PIP5K1C: variants seen among roughly 807,000 people sequenced by gnomAD.
PIP5K1C encodes the protein phosphatidylinositol-4-phosphate 5-kinase type 1 gamma.
PIP5K1C carries 45 observed loss-of-function variants against 80.1 expected under a neutral mutation model. That is an observed-to-expected ratio of 0.56 (90% CI 0.44 to 0.72). The LOEUF is 0.72. PIP5K1C is among the 30% of genes least tolerant of loss of function. The pLI, the probability that PIP5K1C is intolerant of heterozygous loss-of-function variation, is 0.00. For missense variants in PIP5K1C, 753 were observed against 954.6 expected, an observed-to-expected ratio of 0.79 and a Z score of 2.78; for synonymous variants, 498 against 420.1, an observed-to-expected ratio of 1.19 and a Z score of -2.27.
chr19:3,659,997 G>A (rs1398059656), intron 5 of PIP5K1C, among the ~76,000 whole-genome samples: 2 of 152,218 alleles, frequency 1.3e-5, no homozygotes, highest in Non-Finnish European at 2.9e-5. Context: ...AAGTTCTCGG[G>A]ATGACCAGGC....
chr19:3,677,283 A>G (rs2035389721), intron 1 of PIP5K1C, among the ~76,000 whole-genome samples: 1 of 151,876 alleles, frequency 6.6e-6, no homozygotes, highest in South Asian at 2.1e-4. Flanking sequence ...CTGAAAAGAA[A>G]AAGAGAAAGT....
chr19:3,682,801 C>T (rs2035627577), intron 1 of PIP5K1C, among the ~76,000 whole-genome samples: 1 of 152,200 alleles, frequency 6.6e-6, no homozygotes, highest in Non-Finnish European at 1.5e-5. Context: ...TTCACCACAG[C>T]CTCATGAGAG....
At position 3,643,335 on chromosome 19, in the gene PIP5K1C, G is replaced by A; in HGVS notation, c.1557C>T (p.Ala519=). ...LPCTPPSFEE[A]TTASIATTLS... ...GAGTCGTGGCAATGGAGGCTGTAGT[G>A]GCTTCTTCGAAAGAAGGTGGCGTGC... Residue 519 remains alanine (A), a synonymous_variant, in exon 13 of 18, where the codon GCC becomes GCT. Coordinates refer to ENST00000335312, the MANE Select transcript of PIP5K1C (RefSeq NM_012398.3). The A allele has an allele frequency of 6.2e-7, 1 of 1,613,932 alleles. No individual in the cohort carries two copies. The highest frequency in any genetic ancestry group is 8.5e-7 in the Non-Finnish European group (1 of 1,179,964).
chr19:3,664,957 G>A (rs764328847), intron 2 of PIP5K1C, 43 bp from the exon 3 acceptor site: 19 of 1,469,048 alleles, frequency 1.3e-5, no homozygotes, highest in South Asian at 3.4e-5. Context: ...TAAGGAGCAC[G>A]CCCACCGGGA....
intron 1 of PIP5K1C, 68 bp from the exon 2 acceptor site, chr19:3,667,421 C>G: frequency 1.3e-6 from 2 of 1,586,036 alleles, no homozygotes; most frequent in Non-Finnish European, 8.6e-7. Context: ...GGCCCAGCCC[C>G]CGGCCCACCT....
intron 1 of PIP5K1C, among the ~76,000 whole-genome samples, chr19:3,674,513 C>T (rs1329171900): frequency 8.1e-5 from 12 of 149,064 alleles, no homozygotes; most frequent in East Asian, 4.0e-4. Flanking sequence ...CTACAGCCTC[C>T]GCCTCCCGGG....
intron 1 of PIP5K1C, among the ~76,000 whole-genome samples, chr19:3,683,380 C>T (rs900791651): frequency 2.0e-5 from 3 of 152,152 alleles, no homozygotes; most frequent in Non-Finnish European, 2.9e-5. Context: ...AGCCCAGGGG[C>T]GCAGGCTGCT....
At position 3,688,275 on chromosome 19, in the gene PIP5K1C, T is replaced by A. The variant is rs1356496676; in HGVS notation, c.94+12022A>T. On this transcript the variant is annotated intron_variant, in intron 1 of 17. Transcript: ENST00000335312. This position sits in a 1 kb window ranked among gnomAD's most constrained non-coding sequence, Gnocchi z 5.3. ...CGCAGCGTCCCTCCGGGGAGTACAG[T>A]GTCCCTGAAGGGAATTCCTTCCAGA... 1.3e-5 allele frequency among the ~76,000 whole-genome samples: 2 copies of A among 152,146 alleles called. No homozygotes were observed. The highest frequency in any genetic ancestry group is 4.8e-5 in the African/African-American group (2 of 41,444).
chr19:3,637,404 CG>C lies in PIP5K1C; in HGVS notation c.1920+1479del. 1 of 1,535,536 alleles carries C rather than the reference CG, an allele frequency of 6.5e-7. No homozygotes were observed. Among genetic ancestry groups the C allele is most frequent in the Non-Finnish European group, 8.7e-7 (1 of 1,146,772 alleles). On this transcript the variant is annotated intron_variant, in intron 16 of 17. Coordinates refer to ENST00000335312, the MANE Select transcript of PIP5K1C (RefSeq NM_012398.3). The surrounding 1 kb of genome is among the most constrained non-coding windows in gnomAD (Gnocchi z 7.0). ...CAGCGTGGCTGACCTCAATTGCAGCCGTGATTTACCCAAAGCCCTTCTGGAA... is the reference window on the plus strand; with the variant it reads ...CAGCGTGGCTGACCTCAATTGCAGCCTGATTTACCCAAAGCCCTTCTGGAA...
intron 1 of PIP5K1C, among the ~76,000 whole-genome samples, chr19:3,683,120 G>C (rs2035640791): frequency 1.3e-5 from 2 of 152,030 alleles, no homozygotes; most frequent in South Asian, 4.2e-4. Context: ...CCCCTCCCTG[G>C]TCACCCTGCC....
At chr19:3,636,525 G>T (rs1001410957) in intron 16 of PIP5K1C, 1 of 985,426 alleles carries the variant, frequency 1.0e-6, no homozygotes, top group Admixed American at 6.1e-5. Flanking sequence ...CCTATGGTGG[G>T]GTGGCCAGCA....
At chr19:3,647,228 G>C (rs1332841798) in intron 10 of PIP5K1C, 110 bp downstream of exon 10, 3 of 937,178 alleles carry the variant, frequency 3.2e-6, no homozygotes, top group Non-Finnish European at 5.0e-6. Context: ...AGGAGGGATG[G>C]GAGGAGGGTG....
chr19:3,652,999 G>A (rs1173071111), intron 7 of PIP5K1C, among the ~76,000 whole-genome samples: 1 of 152,244 alleles, frequency 6.6e-6, no homozygotes, highest in African/African-American at 2.4e-5. Flanking sequence ...TTGTGAGATG[G>A]GGTCTCACAA....
intron 8 of PIP5K1C, chr19:3,649,932 G>C (rs971901281): frequency 1.2e-5 from 3 of 253,484 alleles, no homozygotes; most frequent in Non-Finnish European, 2.3e-5. Flanking sequence ...GAAGCCACTG[G>C]GACCCAGACC....
rs970875694 is a variant in PIP5K1C at position 3,633,116 on chromosome 19, G to A, written c.*51C>T. 2 of 742,180 alleles carry A rather than the reference G, an allele frequency of 2.7e-6. No individual in the cohort carries two copies. Among genetic ancestry groups the A allele is most frequent in the Non-Finnish European group, 2.5e-6 (1 of 399,536 alleles). The allele number at this position is 742,180 out of a possible 1,614,324, so 46.0% of individuals were successfully genotyped here. ...AGCGGGGTGGGCAGCGCCTTCGGGG[G>A]CAGCCGGAGCAGAAGTGGAGCTCGG... On this transcript the variant is annotated 3_prime_UTR_variant, in exon 18 of 18. Transcript: ENST00000335312.
chr19:3,668,932 G>T (rs750286483), intron 1 of PIP5K1C, among the ~76,000 whole-genome samples: 1 of 152,214 alleles, frequency 6.6e-6, no homozygotes, highest in Non-Finnish European at 1.5e-5. Flanking sequence ...CGTCCTCCAG[G>T]CTCATGCAGA....
At position 3,646,022 on chromosome 19, in the gene PIP5K1C, C is replaced by G. The variant is rs748987470; in HGVS notation, c.1297G>C (p.Glu433Gln). 6.2e-7 allele frequency: 1 copy of G among 1,612,800 alleles called. No homozygotes were observed. The highest frequency in any genetic ancestry group is 1.7e-5 in the Admixed American group (1 of 59,964). The change falls in exon 11 of 18, where the codon GAG (glutamate) becomes CAG (glutamine). Residue 433 changes from glutamate (E) to glutamine (Q), a missense_variant. Glu to Gln is a conservative substitution (Grantham distance 29, BLOSUM62 2). Coordinates refer to ENST00000335312, the MANE Select transcript of PIP5K1C (RefSeq NM_012398.3). The part of the protein sequence containing the change: ...VSVHRPSFYA[E>Q]RFFKFMSNTV... ...TTGCTCATGAACTTGAAAAAGCGCTCGGCATAGAAGCTGGGGCGGTGGACG... is the reference window on the plus strand; with the variant it reads ...TTGCTCATGAACTTGAAAAAGCGCTGGGCATAGAAGCTGGGGCGGTGGACG...
In PIP5K1C at chr19:3,696,735, GGGGAGGGCAGGGAGGGCA is replaced by G. The variant is rs1002426307; in HGVS notation, c.94+3544_94+3561del. 2.0e-5 allele frequency among the ~76,000 whole-genome samples: 2 copies of G among 102,088 alleles called. No homozygotes were observed. The highest frequency in any genetic ancestry group is 4.5e-5 in the African/African-American group (1 of 22,118). The allele number at this position is 102,088 out of a possible 152,430, so 67.0% of individuals were successfully genotyped here. The stretch of plus-strand genomic sequence containing the variant: ...GAGGGCAGGGAGGGCAGAGTGCGGA[GGGGAGGGCAGGGAGGGCA>G]GGGAGGGCCCGGGGCAGGCTGTGCA... On this transcript the variant is annotated intron_variant, in intron 1 of 17. Transcript: ENST00000335312. The surrounding 1 kb of genome is among the most constrained non-coding windows in gnomAD (Gnocchi z 4.1).
intron 3 of PIP5K1C, 112 bp from the exon 4 acceptor site, chr19:3,662,113 C>A (rs1344031433): frequency 3.1e-6 from 4 of 1,310,040 alleles, no homozygotes; most frequent in Non-Finnish European, 4.2e-6. Flanking sequence ...GGACCCGGCA[C>A]CTGCCAACCC....
Sources: gnomAD v4.1 joint callset for allele counts (sites outside exome capture counted in the v4.1 genomes callset) on GRCh38, gnomAD v4.1.1 for gene constraint, Gnocchi (gnomAD v3.1) non-coding constraint, MANE v1.5 for transcripts, NCBI Gene and HGNC (gene_info 2026-07-23, HGNC 2026-07-21) for gene names.